The following PLD1 variants were observed in gnomAD, a reference collection of about 807,000 sequenced individuals.
PLD1 encodes phospholipase D1.
In PLD1, 112 loss-of-function variants were observed where a neutral mutation model predicts 137.1. The observed-to-expected ratio is 0.82, with a 90% CI of 0.70 to 0.96. PLD1 has a LOEUF of 0.96. Ranked by LOEUF, PLD1 falls within the 40% of genes least tolerant of loss-of-function variation. The probability of loss-of-function intolerance (pLI) is 0.00; values close to 1 mark genes in which losing one functional copy is unlikely to be tolerated. For missense variants in PLD1, 1,321 were observed against 1,342.0 expected, an observed-to-expected ratio of 0.98 and a Z score of 0.24; for synonymous variants, 431 against 454.7, an observed-to-expected ratio of 0.95 and a Z score of 0.66.
chr3:171,640,754 A>T (rs761412306), intron 23 of PLD1, among the ~76,000 whole-genome samples: 1 of 152,158 alleles, frequency 6.6e-6, no homozygotes, highest in Non-Finnish European at 1.5e-5. Context: ...GGGCCGTTGC[A>T]CACAGCCCTA....
intron 1 of PLD1, among the ~76,000 whole-genome samples, chr3:171,751,657 G>A (rs899745082): frequency 2.6e-5 from 4 of 152,186 alleles, no homozygotes; most frequent in Non-Finnish European, 4.4e-5. Context: ...ATGTATTGGT[G>A]AGGAAATGGA....
chr3:171,644,472 A>T (rs969115267), intron 22 of PLD1, among the ~76,000 whole-genome samples: 1 of 152,268 alleles, frequency 6.6e-6, no homozygotes. Flanking sequence ...TTACTAACAG[A>T]GGCTATCATT....
chr3:171,605,288 G>T lies in PLD1; in HGVS notation c.3000+11C>A. 6.9e-7 allele frequency: 1 copy of T among 1,456,948 alleles called. No individual in the cohort carries two copies. The highest frequency in any genetic ancestry group is 9.6e-7 in the Non-Finnish European group (1 of 1,036,626). The allele number at this position is 1,456,948 out of a possible 1,614,324, so 90.3% of individuals were successfully genotyped here. Reference sequence around the variant, plus strand: ...GAAAAGAAACGGAGGAGGGGAATACGTGAACTTCACCTTGTCATAAATTGT... The same window carrying T: ...GAAAAGAAACGGAGGAGGGGAATACTTGAACTTCACCTTGTCATAAATTGT... On this transcript the variant is annotated intron_variant, in intron 26 of 26. Coordinates refer to ENST00000351298, the MANE Select transcript of PLD1 (RefSeq NM_002662.5).
At chr3:171,685,959 A>T (rs1012580314) in intron 16 of PLD1, among the ~76,000 whole-genome samples, 1 of 152,044 alleles carries the variant, frequency 6.6e-6, no homozygotes, top group Non-Finnish European at 1.5e-5. Context: ...TTTCTACTAA[A>T]AGTACAAAAA....
At chr3:171,626,207 A>G (rs1165872032) in intron 23 of PLD1, among the ~76,000 whole-genome samples, 2 of 152,266 alleles carry the variant, frequency 1.3e-5, no homozygotes, top group African/African-American at 4.8e-5. Context: ...TGAAGAACGC[A>G]GAAGCCTCAA....
intron 1 of PLD1, among the ~76,000 whole-genome samples, chr3:171,770,567 GAC>G (rs1560294528): frequency 1.3e-5 from 2 of 151,984 alleles, no homozygotes; most frequent in African/African-American, 4.8e-5. Context: ...CTAGTGCGAC[GAC>G]ACAAAGAAAG....
intron 25 of PLD1, among the ~76,000 whole-genome samples, chr3:171,608,071 C>T (rs1390742420): frequency 6.6e-6 from 1 of 152,104 alleles, no homozygotes; most frequent in Non-Finnish European, 1.5e-5. Flanking sequence ...AATATATTAT[C>T]TGTGTTTGCC....
At chr3:171,691,748 T>C (rs1295848634) in intron 13 of PLD1, among the ~76,000 whole-genome samples, 1 of 152,192 alleles carries the variant, frequency 6.6e-6, no homozygotes, top group Admixed American at 6.5e-5. Flanking sequence ...AAGTGAAACA[T>C]ACAATTGTTA....
At chr3:171,625,718 C>T (rs190502525) in intron 23 of PLD1, among the ~76,000 whole-genome samples, 155 of 152,338 alleles carry the variant, frequency 1.0e-3, no homozygotes, top group Non-Finnish European at 1.6e-3. Flanking sequence ...CTGCAGCCAC[C>T]GCTGCTGGTA....
intron 23 of PLD1, among the ~76,000 whole-genome samples, chr3:171,639,201 T>C (rs1735422424): frequency 6.9e-6 from 1 of 145,212 alleles, no homozygotes. Context: ...TTTTATATAT[T>C]ATTTATATAT....
chr3:171,631,021 GAAATA>G (rs1056364195), intron 23 of PLD1, among the ~76,000 whole-genome samples: 6 of 151,312 alleles, frequency 4.0e-5, no homozygotes, highest in East Asian at 1.9e-4. Flanking sequence ...TAATAATAAT[GAAATA>G]AAATAAAATA....
intron 5 of PLD1, among the ~76,000 whole-genome samples, chr3:171,734,528 T>C (rs781651044): frequency 6.6e-6 from 1 of 152,204 alleles, no homozygotes; most frequent in Non-Finnish European, 1.5e-5. Flanking sequence ...AACTTATGTA[T>C]GGAAAATATT....
intron 11 of PLD1, among the ~76,000 whole-genome samples, chr3:171,706,572 T>C (rs1228387941): frequency 2.6e-5 from 4 of 152,190 alleles, no homozygotes; most frequent in African/African-American, 9.7e-5. Context: ...CTGTTCATTG[T>C]TTTTCTTTTG....
chr3:171,804,843 G>C (rs1047811130), intron 1 of PLD1, among the ~76,000 whole-genome samples: 5 of 152,244 alleles, frequency 3.3e-5, no homozygotes, highest in Non-Finnish European at 5.9e-5. Context: ...GTAACACACT[G>C]AGATGCAAGG....
In PLD1 at chr3:171,700,631, A is replaced by G. The variant is rs191660742; in HGVS notation, c.1146-805T>C. Among the ~76,000 whole-genome samples the G allele has an allele frequency of 2.0e-4, 31 of 152,344 alleles. No homozygotes were observed. The East Asian group carries it at 5.2e-3, about 26-fold the overall frequency. The stretch of plus-strand genomic sequence containing the variant: ...GCCCTCTTTAGTTGAACATTCTGTT[A>G]CCCCAAACTAAAAGCATTCTAATAG... On this transcript the variant is annotated intron_variant, in intron 11 of 26. Transcript: ENST00000351298.
intron 12 of PLD1, among the ~76,000 whole-genome samples, chr3:171,697,950 T>C (rs1715902574): frequency 6.6e-6 from 1 of 152,200 alleles, no homozygotes; most frequent in South Asian, 2.1e-4. Context: ...ATTCAATAAA[T>C]ACATATTGAT....
intron 23 of PLD1, among the ~76,000 whole-genome samples, chr3:171,638,034 A>T (rs1374569787): frequency 1.3e-5 from 2 of 152,028 alleles, no homozygotes; most frequent in Non-Finnish European, 2.9e-5. Flanking sequence ...TACAAAAAAA[A>T]ATTAGCCAGG....
At chr3:171,797,110 C>T (rs34549938) in intron 1 of PLD1, among the ~76,000 whole-genome samples, 52,536 of 151,850 alleles carry the variant, frequency 0.35, 9,524 homozygotes, top group Middle Eastern at 0.5. Flanking sequence ...TCCACCTGTG[C>T]TAGGCTATAC....
intron 1 of PLD1, among the ~76,000 whole-genome samples, chr3:171,771,579 C>T (rs572249586): frequency 3.9e-5 from 6 of 152,352 alleles, no homozygotes; most frequent in South Asian, 2.1e-4. Flanking sequence ...AGAACTCTCA[C>T]TCCCTTCTCT....
Sources: allele counts gnomAD v4.1 joint callset (sites outside exome capture counted in the v4.1 genomes callset), GRCh38; gene constraint gnomAD v4.1.1; transcripts MANE v1.5; gene names NCBI Gene and HGNC (gene_info 2026-07-23, HGNC 2026-07-21).